Variants in ARID1B observed in about 807,000 individuals in gnomAD.
ARID1B encodes AT-rich interactive domain-containing protein 1B.
ARID1B carries 30 observed loss-of-function variants against 212.3 expected under a neutral mutation model. The ratio of observed to expected loss-of-function variants is 0.14; its 90% CI spans 0.11 to 0.19. The LOEUF (loss-of-function observed/expected upper bound fraction) is 0.19, where lower values mean the gene tolerates loss of function less well. Ranked by LOEUF, ARID1B falls within the 10% of genes least tolerant of loss-of-function variation. The probability of loss-of-function intolerance (pLI) is 1.00; values close to 1 mark genes in which losing one functional copy is unlikely to be tolerated. For missense variants in ARID1B, 2,891 were observed against 3,204.0 expected (o/e 0.90, Z 2.36); for synonymous variants, 1,402 against 1,301.7 (o/e 1.08, Z -1.66).
chr6:156,801,164 A>T lies in ARID1B; in HGVS notation c.1791+21693A>T, dbSNP rs887392091. Among the ~76,000 whole-genome samples, 6 of 144,530 alleles carry T rather than the reference A, an allele frequency of 4.2e-5. No individual in the cohort carries two copies. The South Asian group carries it at 7.0e-4, about 17-fold the overall frequency. The allele number at this position is 144,530 out of a possible 152,430, so 94.8% of individuals were successfully genotyped here. On this transcript the variant is annotated intron_variant, in intron 1 of 19. Coordinates refer to ENST00000636930, the MANE Select transcript of ARID1B (RefSeq NM_001374828.1). ...AGAATGTGAGCTACTTGAATTTTGG[A>T]TGGCTGTCAGTAGGGTAGGATCTTG...
intron 16 of ARID1B, among the ~76,000 whole-genome samples, chr6:157,197,197 ATAT>A (rs1429177714): frequency 6.6e-6 from 1 of 152,220 alleles, no homozygotes; most frequent in Non-Finnish European, 1.5e-5. Context: ...TTTTCATATA[ATAT>A]TTCAGATTTT....
rs1794806394 is a variant in ARID1B, at chr6:156,966,905, G to A, written c.2247+31329G>A. Reference sequence around the variant, plus strand: ...AGTAGAGATGGGGTTTCTCCGTGTTGGTCAGGCTGGTCTCGAACTCCTGAC... The same window carrying A: ...AGTAGAGATGGGGTTTCTCCGTGTTAGTCAGGCTGGTCTCGAACTCCTGAC... On this transcript the variant is annotated intron_variant, in intron 4 of 19. Coordinates refer to ENST00000636930, the MANE Select transcript of ARID1B (RefSeq NM_001374828.1). Among the ~76,000 whole-genome samples the A allele has an allele frequency of 2.0e-5, 3 of 151,734 alleles. No homozygotes were observed. In the South Asian group the frequency reaches 6.2e-4, roughly 32 times the overall value.
chr6:156,834,778 C>T (rs55908037), intron 2 of ARID1B, among the ~76,000 whole-genome samples: 7,694 of 152,252 alleles, frequency 0.051, 289 homozygotes, highest in Non-Finnish European at 0.073. Flanking sequence ...TCGTTGGCCA[C>T]ATTTTGTCAT....
chr6:157,098,693 C>G (rs1785832309), intron 5 of ARID1B, among the ~76,000 whole-genome samples: 1 of 152,182 alleles, frequency 6.6e-6, no homozygotes, highest in Non-Finnish European at 1.5e-5. Context: ...AGAAGCTTTC[C>G]TTAAAGTTCC....
intron 4 of ARID1B, among the ~76,000 whole-genome samples, chr6:157,076,270 T>G (rs1423251826): frequency 2.0e-5 from 3 of 152,018 alleles, no homozygotes; most frequent in Non-Finnish European, 2.9e-5. Context: ...CCACACAATT[T>G]GTGAGTTGTG....
intron 4 of ARID1B, among the ~76,000 whole-genome samples, chr6:156,948,883 G>T (rs781667060): frequency 6.6e-6 from 1 of 152,162 alleles, no homozygotes; most frequent in African/African-American, 2.4e-5. Flanking sequence ...AGAGAACCAC[G>T]TACCTATAGT....
At chr6:156,849,874 T>A (rs1368989870) in intron 2 of ARID1B, among the ~76,000 whole-genome samples, 2 of 151,962 alleles carry the variant, frequency 1.3e-5, no homozygotes, top group East Asian at 3.8e-4. Flanking sequence ...TCACTTTCTC[T>A]CTCGGATTAA....
In ARID1B at chr6:156,945,233, C is replaced by CTTT. The variant is rs1164805779; in HGVS notation, c.2247+9690_2247+9692dup. On this transcript the variant is annotated intron_variant, in intron 4 of 19. Transcript: ENST00000636930. ...GACCGGTGTGAGCCCCCGCATCCGGCTTTTTTTTTTTTTTTTTTTTTTTTT... is the reference window on the plus strand; with the variant it reads ...GACCGGTGTGAGCCCCCGCATCCGGCTTTTTTTTTTTTTTTTTTTTTTTTTTTT... Among the ~76,000 whole-genome samples the CTTT allele has an allele frequency of 6.6e-3, 214 of 32,660 alleles. 26 individuals are homozygous for CTTT. The highest frequency in any genetic ancestry group is 8.2e-3 in the East Asian group (9 of 1,104). The allele number at this position is 32,660 out of a possible 152,430, so 21.4% of individuals were successfully genotyped here. A position where few individuals can be genotyped will look rare whatever the true frequency, so the allele number is the denominator to read the frequency against.
chr6:157,046,161 T>C (rs1332650761), intron 4 of ARID1B, among the ~76,000 whole-genome samples: 2 of 151,812 alleles, frequency 1.3e-5, no homozygotes, highest in Non-Finnish European at 2.9e-5. Flanking sequence ...TGATACAGTT[T>C]TCTTTGTTAG....
At chr6:156,949,282 T>C (rs1793400775) in intron 4 of ARID1B, among the ~76,000 whole-genome samples, 1 of 152,160 alleles carries the variant, frequency 6.6e-6, no homozygotes, top group South Asian at 2.1e-4. Flanking sequence ...GTATCAGATA[T>C]ATATATCTAA....
At chr6:157,056,478 A>G (rs1782961786) in intron 4 of ARID1B, among the ~76,000 whole-genome samples, 1 of 152,202 alleles carries the variant, frequency 6.6e-6, no homozygotes, top group African/African-American at 2.4e-5. Flanking sequence ...GAGATAAGTA[A>G]TTTCTTACTA....
chr6:156,987,065 C>G (rs1307736105), intron 4 of ARID1B, among the ~76,000 whole-genome samples: 1 of 151,628 alleles, frequency 6.6e-6, no homozygotes, highest in African/African-American at 2.4e-5. Context: ...GTCGTCGCAG[C>G]TGCTCAGGAG....
intron 4 of ARID1B, among the ~76,000 whole-genome samples, chr6:157,043,575 G>A (rs991511377): frequency 6.6e-6 from 1 of 152,066 alleles, no homozygotes; most frequent in Non-Finnish European, 1.5e-5. Context: ...CTTTCACATG[G>A]TAAACAGTGC....
chr6:156,961,909 A>G (rs2128324469), intron 4 of ARID1B, among the ~76,000 whole-genome samples: 2 of 152,266 alleles, frequency 1.3e-5, no homozygotes, highest in Middle Eastern at 6.8e-3. Context: ...CTTCTAAGTC[A>G]ATTTCACCAT....
At chr6:156,948,037 C>G (rs898303230) in intron 4 of ARID1B, among the ~76,000 whole-genome samples, 2 of 152,178 alleles carry the variant, frequency 1.3e-5, no homozygotes, top group African/African-American at 4.8e-5. Flanking sequence ...CTTCAGGCAC[C>G]TGCTCCTGAG....
chr6:157,038,358 A>T (rs1437252116), intron 4 of ARID1B, among the ~76,000 whole-genome samples: 2 of 152,070 alleles, frequency 1.3e-5, no homozygotes, highest in African/African-American at 4.8e-5. Flanking sequence ...ACATATATAT[A>T]TTTTACCATT....
intron 5 of ARID1B, among the ~76,000 whole-genome samples, chr6:157,096,409 C>T (rs376453331): frequency 2.4e-4 from 36 of 152,332 alleles, no homozygotes; most frequent in African/African-American, 8.2e-4. Flanking sequence ...AGCCATCTTT[C>T]TGCCTTTGCA....
chr6:157,167,691 T>C (rs1010474609), intron 9 of ARID1B: 1 of 152,876 alleles, frequency 6.5e-6, no homozygotes, highest in Non-Finnish European at 1.5e-5. Flanking sequence ...GAAACTGTTT[T>C]AAATGTTTCA....
chr6:156,895,034 T>C (rs1766717658), intron 2 of ARID1B, among the ~76,000 whole-genome samples: 1 of 152,176 alleles, frequency 6.6e-6, no homozygotes, highest in Non-Finnish European at 1.5e-5. Flanking sequence ...GGTGTGGTGG[T>C]GTTCATGGTC....
Sources: allele counts gnomAD v4.1 joint callset (sites outside exome capture counted in the v4.1 genomes callset), GRCh38; gene constraint gnomAD v4.1.1; transcripts MANE v1.5; gene names NCBI Gene and HGNC (gene_info 2026-07-23, HGNC 2026-07-21).